SPAST: variants seen among roughly 807,000 people sequenced by gnomAD.
SPAST encodes spastic paraplegia 4 (autosomal dominant; spastin).
SPAST carries 30 observed loss-of-function variants against 76.6 expected under a neutral mutation model. The observed-to-expected ratio is 0.39, with a 90% CI of 0.29 to 0.53. The LOEUF (loss-of-function observed/expected upper bound fraction) is 0.53. Among genes scored for constraint, SPAST ranks in the 20% least tolerant of loss-of-function variants. The probability of loss-of-function intolerance (pLI) is 0.68; values close to 1 mark genes in which losing one functional copy is unlikely to be tolerated. For missense variants in SPAST, 717 were observed against 770.5 expected (o/e 0.93, Z 0.82); for synonymous variants, 305 against 281.0 (o/e 1.09, Z -0.86).
At chr2:32,101,954 GCA>G (rs1473774944) in intron 4 of SPAST, among the ~76,000 whole-genome samples, 1 of 152,156 alleles carries the variant, frequency 6.6e-6, no homozygotes, top group African/African-American at 2.4e-5. Flanking sequence ...TCTTGGCAAT[GCA>G]GGCTCTTTTT....
chr2:32,071,336 GC>G (rs1676742181), intron 1 of SPAST, among the ~76,000 whole-genome samples: 1 of 152,212 alleles, frequency 6.6e-6, no homozygotes, highest in Non-Finnish European at 1.5e-5. Context: ...GTTTTAAAGG[GC>G]TAAAGGGTCA....
At chr2:32,084,157 T>C (rs982385480) in intron 1 of SPAST, among the ~76,000 whole-genome samples, 11 of 151,728 alleles carry the variant, frequency 7.2e-5, no homozygotes, top group Non-Finnish European at 1.0e-4. Context: ...CTCAATAGTT[T>C]CATTTCTTTT....
intron 4 of SPAST, 43 bp from the exon 5 acceptor site, chr2:32,114,595 C>G (rs550256815): frequency 1.3e-6 from 2 of 1,496,610 alleles, no homozygotes; most frequent in South Asian, 1.1e-5. Context: ...TTATGTTCAG[C>G]TACAATTTTC....
At chr2:32,132,939 G>A (rs974412468) in intron 9 of SPAST, among the ~76,000 whole-genome samples, 16 of 152,236 alleles carry the variant, frequency 1.1e-4, no homozygotes, top group Non-Finnish European at 1.9e-4. Flanking sequence ...CCAGCTACTC[G>A]GGAGGCTGAG....
chr2:32,127,189 C>A (rs746649987), intron 8 of SPAST, 167 bp downstream of exon 8: 235 of 632,110 alleles, frequency 3.7e-4, no homozygotes, highest in Non-Finnish European at 1.9e-4. Flanking sequence ...GTGATCTGGG[C>A]TCACCGCAAC....
intron 16 of SPAST, among the ~76,000 whole-genome samples, chr2:32,148,082 G>T (rs1679956128): frequency 6.6e-6 from 1 of 151,998 alleles, no homozygotes; most frequent in South Asian, 2.1e-4. Flanking sequence ...ACAGGCAAGT[G>T]CCACAACGCC....
chr2:32,085,193 T>TTTC (rs1164839470), intron 1 of SPAST, among the ~76,000 whole-genome samples: 2 of 147,358 alleles, frequency 1.4e-5, no homozygotes, highest in South Asian at 2.1e-4. Flanking sequence ...ATAATTTCTT[T>TTTC]TTCTTCTTCT....
At chr2:32,145,896 T>A (rs1679870529) in intron 15 of SPAST, among the ~76,000 whole-genome samples, 1 of 152,200 alleles carries the variant, frequency 6.6e-6, no homozygotes, top group Non-Finnish European at 1.5e-5. Flanking sequence ...TTTCTCTCAT[T>A]CAAGAAAGTA....
intron 7 of SPAST, among the ~76,000 whole-genome samples, chr2:32,121,908 G>A (rs529534929): frequency 6.6e-6 from 1 of 152,172 alleles, no homozygotes; most frequent in Non-Finnish European, 1.5e-5. Flanking sequence ...GTTTTCTTTT[G>A]TTTACTTTAT....
At chr2:32,128,502 TGTC>T in intron 9 of SPAST, 23 bp downstream of exon 9, 1 of 1,476,268 alleles carries the variant, frequency 6.8e-7, no homozygotes, top group Non-Finnish European at 9.5e-7. Context: ...TTTCCAATAT[TGTC>T]GTATTTTAAG....
At chr2:32,073,572 C>G (rs1346654195) in intron 1 of SPAST, among the ~76,000 whole-genome samples, 1 of 152,052 alleles carries the variant, frequency 6.6e-6, no homozygotes, top group African/African-American at 2.4e-5. Context: ...TCAAGCAATC[C>G]TCCCACCTCA....
At position 32,107,267 on chromosome 2, in the gene SPAST, C is replaced by CT. The variant is rs1472413988; in HGVS notation, c.683-7370dup. ...TTTTTTTTTGAGATGAAGTCTTCCT[C>CT]TGTCACTCAGGCTGGAGTGCGGTGG... is the stretch of plus-strand genomic sequence containing the variant. On this transcript the variant is annotated intron_variant, in intron 4 of 16. Transcript: ENST00000315285. 5.9e-5 allele frequency among the ~76,000 whole-genome samples: 9 copies of CT among 151,984 alleles called. 1 individual carries two copies. Among genetic ancestry groups the CT allele is most frequent in the African/African-American group, 1.9e-4 (8 of 41,334 alleles).
Position 32,148,965 on chromosome 2 carries a change from C to A in SPAST, c.1728+1707C>A, listed in dbSNP as rs185423944. ...CTCTAGCCTGGGCGACAGAGTGAGA[C>A]CCAGTCTCAAAAAAAAAAAAATTAC... On this transcript the variant is annotated intron_variant, in intron 16 of 16. Transcript: ENST00000315285. Among the ~76,000 whole-genome samples, 363 of 150,946 alleles carry A rather than the reference C, an allele frequency of 2.4e-3. 3 individuals are homozygous for A. Among genetic ancestry groups the A allele is most frequent in the Admixed American group, 5.6e-3 (85 of 15,194 alleles).
At chr2:32,092,442 A>G (rs1406406081) in intron 3 of SPAST, among the ~76,000 whole-genome samples, 1 of 152,210 alleles carries the variant, frequency 6.6e-6, no homozygotes. Context: ...TTCAAAATTA[A>G]TAAGAGTTGG....
chr2:32,081,781 C>CAAAAAAAAAAAAAAAAAAAAAAAAAA (rs34078147), intron 1 of SPAST, among the ~76,000 whole-genome samples: 2 of 44,382 alleles, frequency 4.5e-5, no homozygotes, highest in African/African-American at 8.4e-5. Flanking sequence ...GAGACACTGT[C>CAAAAAAAAAAAAAAAAAAAAAAAAAA]AAAAAAAAAA....
At chr2:32,110,650 T>A (rs1319339098) in intron 4 of SPAST, among the ~76,000 whole-genome samples, 1 of 137,526 alleles carries the variant, frequency 7.3e-6, no homozygotes, top group East Asian at 2.0e-4. Context: ...ATATAGTATA[T>A]ATAGTATAGT....
At chr2:32,068,001 CAG>C (rs1230268628) in intron 1 of SPAST, among the ~76,000 whole-genome samples, 2 of 144,560 alleles carry the variant, frequency 1.4e-5, no homozygotes, top group Non-Finnish European at 3.0e-5. Flanking sequence ...TTTTTTGAGA[CAG>C]AGCCTCGCTT....
chr2:32,086,980 A>G (rs1677507357), intron 1 of SPAST, among the ~76,000 whole-genome samples: 1 of 152,286 alleles, frequency 6.6e-6, no homozygotes, highest in South Asian at 2.1e-4. Context: ...GTTGGGTTCA[A>G]AGAAAATAGA....
chr2:32,095,026 A>G (rs1319557003), intron 3 of SPAST, among the ~76,000 whole-genome samples: 3 of 152,228 alleles, frequency 2.0e-5, no homozygotes. Flanking sequence ...TAAATTTTAG[A>G]AGGATCACTC....
Sources: gnomAD v4.1 joint callset for allele counts (sites outside exome capture counted in the v4.1 genomes callset) on GRCh38, gnomAD v4.1.1 for gene constraint, MANE v1.5 for transcripts, NCBI Gene and HGNC (gene_info 2026-07-23, HGNC 2026-07-21) for gene names.